NOVA2: variants seen among roughly 807,000 people sequenced by gnomAD.
NOVA2 encodes the protein NOVA alternative splicing regulator 2.
NOVA2 carries 9 observed loss-of-function variants against 22.5 expected under a neutral mutation model. The ratio of observed to expected loss-of-function variants is 0.40; its 90% CI spans 0.24 to 0.70. The LOEUF is 0.70. NOVA2 is among the 30% of genes least tolerant of loss of function. The pLI, the probability that NOVA2 is intolerant of heterozygous loss-of-function variation, is 0.38. For missense variants in NOVA2, 383 were observed against 682.8 expected, an observed-to-expected ratio of 0.56 and a Z score of 4.89; for synonymous variants, 318 against 335.2, an observed-to-expected ratio of 0.95 and a Z score of 0.56.
chr19:45,945,842 T>A lies in NOVA2; in HGVS notation c.397-4897A>T, dbSNP rs1407757115. Among the ~76,000 whole-genome samples, 1,287 of 149,866 alleles carry A rather than the reference T, an allele frequency of 8.6e-3. 26 individuals are homozygous for A. Among genetic ancestry groups the A allele is most frequent in the African/African-American group, 0.03 (1,227 of 40,896 alleles). On this transcript the variant is annotated intron_variant, in intron 3 of 3. Coordinates refer to ENST00000263257, the MANE Select transcript of NOVA2 (RefSeq NM_002516.4). ...GACTTTATTATTATTATTATTATTT[T>A]TTTTTTTTTTGAGACACAGTCTTGC...
Position 45,939,675 on chromosome 19 carries a change from C to A in NOVA2, c.*188G>T. 1.4e-6 allele frequency: 1 copy of A among 709,754 alleles called. No homozygotes were observed. Among genetic ancestry groups the A allele is most frequent in the Admixed American group, 3.0e-5 (1 of 33,238 alleles). 44.0% of individuals were successfully genotyped at this position (709,754 alleles called of 1,614,324 possible). On this transcript the variant is annotated 3_prime_UTR_variant, in exon 4 of 4. Coordinates refer to ENST00000263257, the MANE Select transcript of NOVA2 (RefSeq NM_002516.4). ...CGGGCTGGGGAGGGGGCTTCTGAGC[C>A]CCCTTCCCAACCGTCACTCAATCCT...
At chr19:45,951,718 G>A (rs1477092560) in intron 3 of NOVA2, among the ~76,000 whole-genome samples, 1 of 152,082 alleles carries the variant, frequency 6.6e-6, no homozygotes, top group African/African-American at 2.4e-5. Flanking sequence ...GATCGCTTGA[G>A]CCTGGGATGT....
chr19:45,972,310 C>A (rs1424344244), intron 1 of NOVA2, among the ~76,000 whole-genome samples: 3 of 152,076 alleles, frequency 2.0e-5, no homozygotes, highest in Non-Finnish European at 4.4e-5. Flanking sequence ...CCAGCCACAG[C>A]CTCTCTGGAG....
Position 45,936,421 on chromosome 19 carries a change from G to C in NOVA2, c.*3442C>G, listed in dbSNP as rs1011108314. The C allele has an allele frequency of 1.3e-5, 2 of 151,828 alleles. No homozygotes were observed. The highest frequency in any genetic ancestry group is 4.8e-5 in the African/African-American group (2 of 41,314). The allele number at this position is 151,828 out of a possible 1,614,324, so 9.4% of individuals were successfully genotyped here. On this transcript the variant is annotated 3_prime_UTR_variant, in exon 4 of 4. Transcript: ENST00000263257. ...AAAAACTCAGGGTGGGAGGGCTGTG[G>C]AAGGGGGACCCAATTTAGCTCCATG...
Position 45,940,654 on chromosome 19 carries a change from G to T in NOVA2, c.688C>A (p.Pro230Thr). The part of the protein sequence containing the change: ...PVANSNPTGS[P>T]YASPADVLPA... ...AGCACATCCGCGGGGCTGGCGTACGGAGAGCCGGTGGGGTTGGAGTTGGCC... is the reference window on the plus strand; with the variant it reads ...AGCACATCCGCGGGGCTGGCGTACGTAGAGCCGGTGGGGTTGGAGTTGGCC... The change falls in exon 4 of 4, where the codon CCG becomes ACG. Residue 230 changes from proline (P) to threonine (T), a missense_variant. By Grantham distance (38) the Pro-to-Thr change is conservative. Transcript: ENST00000263257. The T allele has an allele frequency of 6.4e-7, 1 of 1,568,186 alleles. No homozygotes were observed.
At chr19:45,951,337 C>T (rs1258064984) in intron 3 of NOVA2, among the ~76,000 whole-genome samples, 1 of 152,002 alleles carries the variant, frequency 6.6e-6, no homozygotes, top group African/African-American at 2.4e-5. Context: ...TAGCCAGGGG[C>T]CGGGCGCAGT....
At chr19:45,956,753 A>G (rs2146419080) in intron 2 of NOVA2, among the ~76,000 whole-genome samples, 1 of 152,316 alleles carries the variant, frequency 6.6e-6, no homozygotes, top group South Asian at 2.1e-4. Flanking sequence ...ATCGCACCTG[A>G]CCAAAGCACT....
chr19:45,959,406 C>T (rs890169953), intron 2 of NOVA2, among the ~76,000 whole-genome samples: 17 of 152,154 alleles, frequency 1.1e-4, no homozygotes, highest in Non-Finnish European at 2.2e-4. Context: ...ATGTCTGTCC[C>T]GCCTTCTGGG....
chr19:45,963,723 G>A (rs539870045), intron 1 of NOVA2, among the ~76,000 whole-genome samples: 3 of 152,092 alleles, frequency 2.0e-5, no homozygotes, highest in Admixed American at 6.5e-5. Flanking sequence ...GTAGAGACGG[G>A]GTTTCACCAT....
At chr19:45,953,092 G>A (rs1469605075) in intron 3 of NOVA2, among the ~76,000 whole-genome samples, 1 of 152,202 alleles carries the variant, frequency 6.6e-6, no homozygotes, top group Non-Finnish European at 1.5e-5. Context: ...ACGCACTTCC[G>A]GGTCCGGACA....
chr19:45,972,190 C>A (rs948579324), intron 1 of NOVA2, among the ~76,000 whole-genome samples: 1 of 152,048 alleles, frequency 6.6e-6, no homozygotes, highest in Non-Finnish European at 1.5e-5. Flanking sequence ...TTTTTACACA[C>A]CCTCGTGCGT....
At chr19:45,949,535 C>T (rs1967892170) in intron 3 of NOVA2, among the ~76,000 whole-genome samples, 1 of 152,114 alleles carries the variant, frequency 6.6e-6, no homozygotes, top group Admixed American at 6.6e-5. Context: ...AAAATTTCTA[C>T]CTCTTCCACC....
intron 1 of NOVA2, among the ~76,000 whole-genome samples, chr19:45,965,466 C>T (rs989233206): frequency 2.0e-5 from 3 of 152,198 alleles, no homozygotes; most frequent in South Asian, 2.1e-4. Flanking sequence ...CAGTGGCTCA[C>T]GCCTGTAATC....
At chr19:45,947,470 G>GTTT (rs5828256) in intron 3 of NOVA2, among the ~76,000 whole-genome samples, 7 of 147,278 alleles carry the variant, frequency 4.8e-5, no homozygotes, top group Admixed American at 6.8e-5. Context: ...AAGCACCCTA[G>GTTT]TTTTTTTTTT....
intron 2 of NOVA2, among the ~76,000 whole-genome samples, chr19:45,954,787 G>A (rs1324493181): frequency 6.6e-6 from 1 of 151,802 alleles, no homozygotes; most frequent in African/African-American, 2.4e-5. Context: ...GGGGGTATTG[G>A]GATATGTGTG....
At chr19:45,946,003 TAA>T (rs35902840) in intron 3 of NOVA2, among the ~76,000 whole-genome samples, 6 of 97,854 alleles carry the variant, frequency 6.1e-5, no homozygotes, top group South Asian at 4.0e-4. Context: ...AGACTCCATC[TAA>T]AAAAAAAAAA....
At chr19:45,949,083 C>T (rs890761236) in intron 3 of NOVA2, among the ~76,000 whole-genome samples, 4 of 152,020 alleles carry the variant, frequency 2.6e-5, no homozygotes, top group Admixed American at 6.6e-5. Context: ...CCAGAATAGG[C>T]AAGTCCACAG....
At position 45,962,276 on chromosome 19, in the gene NOVA2, G is replaced by C. The variant is rs1408337147; in HGVS notation, c.86-1123C>G. 3 of 153,166 alleles carry C rather than the reference G, an allele frequency of 2.0e-5. No individual in the cohort carries two copies. The East Asian group carries it at 5.8e-4, about 29-fold the overall frequency. The allele number at this position is 153,166 out of a possible 1,614,324, so 9.5% of individuals were successfully genotyped here. A position where few individuals can be genotyped will look rare whatever the true frequency, so the allele number is the denominator to read the frequency against. On this transcript the variant is annotated intron_variant, in intron 1 of 3. Coordinates refer to ENST00000263257, the MANE Select transcript of NOVA2 (RefSeq NM_002516.4). ...GGGGATGCTCCGAACACTCACTTTTGATCAGGCGCTGTGCTGAGTGCTTTG... is the reference window on the plus strand; with the variant it reads ...GGGGATGCTCCGAACACTCACTTTTCATCAGGCGCTGTGCTGAGTGCTTTG...
At chr19:45,964,585 T>C (rs148404061) in intron 1 of NOVA2, among the ~76,000 whole-genome samples, 625 of 17,334 alleles carry the variant, frequency 0.036, 2 homozygotes, top group Non-Finnish European at 0.048. Flanking sequence ...CTCTCTCTCT[T>C]TCTCTTTCTC....
Sources: gnomAD v4.1 joint callset for allele counts (sites outside exome capture counted in the v4.1 genomes callset) on GRCh38, gnomAD v4.1.1 for gene constraint, MANE v1.5 for transcripts, NCBI Gene and HGNC (gene_info 2026-07-23, HGNC 2026-07-21) for gene names.